PRKCA: variants seen among roughly 807,000 people sequenced by gnomAD.
PRKCA encodes protein kinase C alpha.
In PRKCA, 27 loss-of-function variants were observed where a neutral mutation model predicts 87.0. The ratio of observed to expected loss-of-function variants is 0.31; its 90% CI spans 0.23 to 0.43. The LOEUF (loss-of-function observed/expected upper bound fraction) is 0.43, where lower values mean the gene tolerates loss of function less well. Among genes scored for constraint, PRKCA ranks in the 20% least tolerant of loss-of-function variants. The probability of loss-of-function intolerance (pLI) is 1.00; values close to 1 mark genes in which losing one functional copy is unlikely to be tolerated. For missense variants in PRKCA, 518 were observed against 852.3 expected (o/e 0.61, Z 4.88); for synonymous variants, 329 against 311.1 (o/e 1.06, Z -0.61).
At chr17:66,420,360 TCA>T (rs1912419865) in intron 2 of PRKCA, among the ~76,000 whole-genome samples, 1 of 152,104 alleles carries the variant, frequency 6.6e-6, no homozygotes, top group Non-Finnish European at 1.5e-5. Flanking sequence ...TAAGCTTTAG[TCA>T]AGAGTCAGAA....
At chr17:66,440,089 CTTTGA>C (rs1913646866) in intron 2 of PRKCA, among the ~76,000 whole-genome samples, 1 of 152,176 alleles carries the variant, frequency 6.6e-6, no homozygotes, top group East Asian at 1.9e-4. Flanking sequence ...TTACTGTAGG[CTTTGA>C]TTTATTTATT....
chr17:66,497,900 A>G (rs1916547963), intron 3 of PRKCA, among the ~76,000 whole-genome samples: 1 of 152,224 alleles, frequency 6.6e-6, no homozygotes, highest in South Asian at 2.1e-4. Context: ...GAACATGCAC[A>G]ATGGGGTTAG....
intron 2 of PRKCA, among the ~76,000 whole-genome samples, chr17:66,421,419 A>C (rs1598658450): frequency 8.0e-6 from 1 of 125,782 alleles, no homozygotes; most frequent in Non-Finnish European, 1.6e-5. Context: ...GAACTCAGCC[A>C]CAGCCTCTGT....
chr17:66,523,396 T>C (rs530489297), intron 3 of PRKCA, among the ~76,000 whole-genome samples: 5 of 152,328 alleles, frequency 3.3e-5, no homozygotes, highest in African/African-American at 1.2e-4. Flanking sequence ...TTATTGGTTG[T>C]ATGACCTTGA....
intron 16 of PRKCA, among the ~76,000 whole-genome samples, chr17:66,802,494 T>C (rs1975923252): frequency 6.6e-6 from 1 of 151,048 alleles, no homozygotes; most frequent in Non-Finnish European, 1.5e-5. Context: ...CACTGCACTC[T>C]AGTCTGGGCG....
At chr17:66,504,764 T>C (rs917897375) in intron 3 of PRKCA, among the ~76,000 whole-genome samples, 8 of 152,190 alleles carry the variant, frequency 5.3e-5, no homozygotes, top group African/African-American at 1.9e-4. Context: ...TTTTCATCAT[T>C]TTCCTTTGAA....
chr17:66,504,976 G>C lies in PRKCA; in HGVS notation c.288+8693G>C, dbSNP rs115816328. On this transcript the variant is annotated intron_variant, in intron 3 of 16. Coordinates refer to ENST00000413366, the MANE Select transcript of PRKCA (RefSeq NM_002737.3). ...CCCATGAGCCTCTGAGGAAGCCCGA[G>C]TCCATTTCTGAAACCACCCTCGGCA... is the stretch of plus-strand genomic sequence containing the variant. 3.4e-3 allele frequency among the ~76,000 whole-genome samples: 520 copies of C among 152,254 alleles called. 3 individuals are homozygous for C. The highest frequency in any genetic ancestry group is 0.012 in the African/African-American group (487 of 41,538).
chr17:66,669,102 TA>T (rs35465763), intron 5 of PRKCA, among the ~76,000 whole-genome samples: 60,076 of 146,714 alleles, frequency 0.41, 12,138 homozygotes, highest in East Asian at 0.51. Context: ...ACCCTCTCTT[TA>T]AAAAAAAAAA....
Position 66,602,621 on chromosome 17 carries a change from C to G in PRKCA, c.289-38734C>G, listed in dbSNP as rs182261175. On this transcript the variant is annotated intron_variant, in intron 3 of 16. Transcript: ENST00000413366. ...AAAAATATTAAACTTAAAACAATTT[C>G]TTCTTTTAAAATATGTATTATGAGG... 3.3e-5 allele frequency among the ~76,000 whole-genome samples: 5 copies of G among 152,328 alleles called. No homozygotes were observed. The East Asian group carries it at 9.7e-4, about 29-fold the overall frequency.
intron 5 of PRKCA, among the ~76,000 whole-genome samples, chr17:66,679,997 A>G (rs1972446059): frequency 6.6e-6 from 1 of 152,178 alleles, no homozygotes; most frequent in African/African-American, 2.4e-5. Context: ...ATATCTAATA[A>G]TTATCAAAAT....
intron 8 of PRKCA, among the ~76,000 whole-genome samples, chr17:66,698,953 C>T (rs1007600626): frequency 6.6e-6 from 1 of 151,604 alleles, no homozygotes; most frequent in Non-Finnish European, 1.5e-5. Context: ...GCACTCCAGC[C>T]TGGGTGACAG....
intron 13 of PRKCA, among the ~76,000 whole-genome samples, chr17:66,765,552 GTCTT>G (rs1390363136): frequency 3.6e-5 from 5 of 139,534 alleles, no homozygotes; most frequent in African/African-American, 1.3e-4. Flanking sequence ...ATATATATAT[GTCTT>G]TATATATATA....
At chr17:66,669,543 A>C (rs1418551608) in intron 5 of PRKCA, among the ~76,000 whole-genome samples, 1 of 152,242 alleles carries the variant, frequency 6.6e-6, no homozygotes, top group Non-Finnish European at 1.5e-5. Context: ...AAATTTATGG[A>C]GCATTCAAAT....
In PRKCA at chr17:66,792,921, C is replaced by T. The variant is rs1975575540; in HGVS notation, c.1854+3942C>T. Among the ~76,000 whole-genome samples, 1 of 152,138 alleles carries T rather than the reference C, an allele frequency of 6.6e-6. No homozygotes were observed. Among genetic ancestry groups the T allele is most frequent in the African/African-American group, 2.4e-5 (1 of 41,426 alleles). On this transcript the variant is annotated intron_variant, in intron 16 of 16. Transcript: ENST00000413366. This position sits in a 1 kb window ranked among gnomAD's most constrained non-coding sequence, Gnocchi z 4.5. Reference sequence around the variant, plus strand: ...CTGTGGCAGTCAACAGTGGGAGAGTCCTGTCCTGGACAGAGCCATGTCTGT... The same window carrying T: ...CTGTGGCAGTCAACAGTGGGAGAGTTCTGTCCTGGACAGAGCCATGTCTGT...
chr17:66,778,834 G>C (rs1423225086), intron 14 of PRKCA, among the ~76,000 whole-genome samples: 5 of 141,366 alleles, frequency 3.5e-5, no homozygotes, highest in African/African-American at 1.3e-4. Context: ...GAGAGAGTGA[G>C]ACCCTGTCTC....
chr17:66,605,766 C>T (rs1405322835), intron 3 of PRKCA, among the ~76,000 whole-genome samples: 2 of 152,196 alleles, frequency 1.3e-5, no homozygotes, highest in Non-Finnish European at 2.9e-5. Flanking sequence ...TGAAATACAA[C>T]ACATGCTGCA....
chr17:66,394,675 C>T (rs1199335452), intron 2 of PRKCA, among the ~76,000 whole-genome samples: 2 of 152,056 alleles, frequency 1.3e-5, no homozygotes, highest in Admixed American at 1.3e-4. Flanking sequence ...AATTGTAATC[C>T]CCATAATCCC....
At chr17:66,318,408 T>C (rs1210148405) in intron 2 of PRKCA, among the ~76,000 whole-genome samples, 1 of 152,188 alleles carries the variant, frequency 6.6e-6, no homozygotes, top group Non-Finnish European at 1.5e-5. Flanking sequence ...TATCCTTTTT[T>C]TTTTCTTTTT....
chr17:66,490,905 G>A (rs559298604), intron 2 of PRKCA, among the ~76,000 whole-genome samples: 3 of 152,276 alleles, frequency 2.0e-5, no homozygotes, highest in South Asian at 2.1e-4. Flanking sequence ...GCCAAACACA[G>A]GTGACTGTTA....
Sources: gnomAD v4.1 joint callset for allele counts (sites outside exome capture counted in the v4.1 genomes callset) on GRCh38, gnomAD v4.1.1 for gene constraint, Gnocchi (gnomAD v3.1) non-coding constraint, MANE v1.5 for transcripts, NCBI Gene and HGNC (gene_info 2026-07-23, HGNC 2026-07-21) for gene names.